ADGRL1: variants seen among roughly 807,000 people sequenced by gnomAD.
The protein encoded by ADGRL1 is CIRL-1.
Under a neutral mutation model 148.9 loss-of-function variants are expected in ADGRL1, and 31 were observed. The ratio of observed to expected loss-of-function variants is 0.21; its 90% CI spans 0.16 to 0.28. The LOEUF (loss-of-function observed/expected upper bound fraction) is 0.28. Ranked by LOEUF, ADGRL1 falls within the 10% of genes least tolerant of loss-of-function variation. The pLI is 1.00. For missense variants in ADGRL1, 1,521 were observed against 2,058.8 expected (o/e 0.74, Z 5.05); for synonymous variants, 937 against 900.3 (o/e 1.04, Z -0.73).
In ADGRL1 at chr19:14,160,699, G is replaced by A; in HGVS notation, c.1511-3C>T. 1.9e-6 allele frequency: 3 copies of A among 1,579,846 alleles called. No individual in the cohort carries two copies. The highest frequency in any genetic ancestry group is 2.2e-5 in the East Asian group (1 of 44,680). On this transcript the variant is annotated splice_polypyrimidine_tract_variant and splice_region_variant and intron_variant, in intron 6 of 22. Transcript: ENST00000361434. This position sits in a 1 kb window ranked among gnomAD's most constrained non-coding sequence, Gnocchi z 5.9. ...TAGACACTGGAAGGAGGCAATTCCT[G>A]CAGGGACAGACAGACAGGAACAGAC...
intron 3 of ADGRL1, 66 bp from the exon 4 acceptor site, chr19:14,170,857 T>C (rs1218245622): frequency 2.6e-6 from 2 of 775,884 alleles, no homozygotes; most frequent in Non-Finnish European, 4.5e-6. Context: ...TGGGGGTGCA[T>C]GCTCCAGGGT....
chr19:14,184,340 G>C (rs1971426254), intron 1 of ADGRL1, among the ~76,000 whole-genome samples: 1 of 152,040 alleles, frequency 6.6e-6, no homozygotes, highest in Non-Finnish European at 1.5e-5. Flanking sequence ...CAGGGGAGAT[G>C]GGGGAGGGGT....
chr19:14,174,816 G>A (rs1480719792), intron 3 of ADGRL1, among the ~76,000 whole-genome samples: 3 of 148,712 alleles, frequency 2.0e-5, no homozygotes, highest in Admixed American at 6.7e-5. Flanking sequence ...GATTACAGGC[G>A]TGAAACACTG....
chr19:14,154,393 G>C (rs922639323), intron 18 of ADGRL1, among the ~76,000 whole-genome samples: 1 of 152,184 alleles, frequency 6.6e-6, no homozygotes, highest in African/African-American at 2.4e-5. Context: ...CGTCTCCCCA[G>C]CTTCAGTCCT....
Position 14,161,211 on chromosome 19 carries a change from C to A in ADGRL1, c.1510+101G>T. Reference sequence around the variant, plus strand: ...GGGGATGACCCCTGCCCTCAGAAAACCTCTGCTCCGCAGTAGAGACCCCCA... The same window carrying A: ...GGGGATGACCCCTGCCCTCAGAAAAACTCTGCTCCGCAGTAGAGACCCCCA... On this transcript the variant is annotated intron_variant, in intron 6 of 22. Coordinates refer to ENST00000361434, the MANE Select transcript of ADGRL1 (RefSeq NM_014921.5). This position sits in a 1 kb window ranked among gnomAD's most constrained non-coding sequence, Gnocchi z 4.4. The A allele has an allele frequency of 8.3e-7, 1 of 1,204,348 alleles. No homozygotes were observed. The highest frequency in any genetic ancestry group is 1.6e-5 in the African/African-American group (1 of 63,778). The allele number at this position is 1,204,348 out of a possible 1,614,324, so 74.6% of individuals were successfully genotyped here. A position where few individuals can be genotyped will look rare whatever the true frequency, so the allele number is the denominator to read the frequency against.
chr19:14,159,825 T>A lies in ADGRL1; in HGVS notation c.1801-52A>T. 6.8e-7 allele frequency: 1 copy of A among 1,468,422 alleles called. No individual in the cohort carries two copies. Among genetic ancestry groups the A allele is most frequent in the Non-Finnish European group, 9.5e-7 (1 of 1,047,692 alleles). The allele number at this position is 1,468,422 out of a possible 1,614,324, so 91.0% of individuals were successfully genotyped here. A position where few individuals can be genotyped will look rare whatever the true frequency, so the allele number is the denominator to read the frequency against. On this transcript the variant is annotated intron_variant, in intron 8 of 22. Coordinates refer to ENST00000361434, the MANE Select transcript of ADGRL1 (RefSeq NM_014921.5). This position sits in a 1 kb window ranked among gnomAD's most constrained non-coding sequence, Gnocchi z 6.0. ...GCCAGGCCTCTGGGTGCCGGTTCCC[T>A]CACCCTAATACTGTCACATCTGGAT...
intron 2 of ADGRL1, among the ~76,000 whole-genome samples, chr19:14,180,581 A>G (rs1351468045): frequency 6.7e-6 from 1 of 150,296 alleles, no homozygotes; most frequent in Admixed American, 6.6e-5. Context: ...ACAGGGTCTC[A>G]CCCTGTCACC....
chr19:14,161,890 G>C lies in ADGRL1; in HGVS notation c.1196-264C>G, dbSNP rs912067011. ...ATAAGGTCTGAGAGAACGGTCAGGG[G>C]AGAGGCAGGGACAGAGGTGTCTGGG... On this transcript the variant is annotated intron_variant, in intron 5 of 22. Coordinates refer to ENST00000361434, the MANE Select transcript of ADGRL1 (RefSeq NM_014921.5). This position sits in a 1 kb window ranked among gnomAD's most constrained non-coding sequence, Gnocchi z 4.4. Among the ~76,000 whole-genome samples the C allele has an allele frequency of 6.6e-6, 1 of 152,194 alleles. No homozygotes were observed. Among genetic ancestry groups the C allele is most frequent in the African/African-American group, 2.4e-5 (1 of 41,436 alleles).
intron 1 of ADGRL1, among the ~76,000 whole-genome samples, chr19:14,189,781 T>C (rs555117604): frequency 6.6e-6 from 1 of 152,354 alleles, no homozygotes; most frequent in Admixed American, 6.5e-5. Flanking sequence ...GGTTACATGA[T>C]ATTTTGATAT....
At position 14,152,895 on chromosome 19, in the gene ADGRL1, G is replaced by A; in HGVS notation, c.3312C>T (p.Ser1104=). Residue 1104 remains serine, a synonymous_variant, in exon 19 of 23, where the codon AGC becomes AGT. Transcript: ENST00000361434. This position sits in a 1 kb window ranked among gnomAD's most constrained non-coding sequence, Gnocchi z 6.1. ...AGCAGTAGGAGTGACGCAGGCACTT[G>A]CTGTACTCCTTGTGCACCTGGGAGG... is the stretch of plus-strand genomic sequence containing the variant. ...ALQKKVHKEY[S]KCLRHSYCCI... 4.3e-6 allele frequency: 7 copies of A among 1,614,066 alleles called. No homozygotes were observed. The highest frequency in any genetic ancestry group is 5.9e-6 in the Non-Finnish European group (7 of 1,180,000).
chr19:14,187,174 T>C (rs1045957020), intron 1 of ADGRL1, among the ~76,000 whole-genome samples: 7 of 151,956 alleles, frequency 4.6e-5, no homozygotes, highest in African/African-American at 1.7e-4. Flanking sequence ...CCATCTCTAC[T>C]AAAAATACCA....
chr19:14,188,572 C>T (rs1227195872), intron 1 of ADGRL1, among the ~76,000 whole-genome samples: 1 of 152,182 alleles, frequency 6.6e-6, no homozygotes, highest in South Asian at 2.1e-4. Context: ...GGAGCTGAAA[C>T]CCTTGACTCC....
rs561939805 is a variant in ADGRL1 at position 14,164,200 on chromosome 19, C to A, written c.395-794G>T. Among the ~76,000 whole-genome samples the A allele has an allele frequency of 3.9e-5, 6 of 152,008 alleles. No homozygotes were observed. In the East Asian group the frequency reaches 1.2e-3, roughly 29 times the overall value. On this transcript the variant is annotated intron_variant, in intron 4 of 22. Coordinates refer to ENST00000361434, the MANE Select transcript of ADGRL1 (RefSeq NM_014921.5). ...AAAGAGTCTGGCCCCTCCTGGAGGG[C>A]GCCCAGCCCTGCCCCCAGCCGGCAG... is the stretch of plus-strand genomic sequence containing the variant.
chr19:14,152,249 G>A lies in ADGRL1; in HGVS notation c.3649+60C>T, dbSNP rs974335077. The A allele has an allele frequency of 1.2e-6, 2 of 1,613,264 alleles. No individual in the cohort carries two copies. Among genetic ancestry groups the A allele is most frequent in the Non-Finnish European group, 1.7e-6 (2 of 1,179,438 alleles). On this transcript the variant is annotated intron_variant, in intron 21 of 22. Coordinates refer to ENST00000361434, the MANE Select transcript of ADGRL1 (RefSeq NM_014921.5). This position sits in a 1 kb window ranked among gnomAD's most constrained non-coding sequence, Gnocchi z 6.1. The stretch of plus-strand genomic sequence containing the variant: ...TGGGGCACAGAACATCCCATGCAGA[G>A]GTCCCTTGGGACACAAACCCTCCAT...
At chr19:14,179,783 C>T (rs941760762) in intron 2 of ADGRL1, among the ~76,000 whole-genome samples, 3 of 151,974 alleles carry the variant, frequency 2.0e-5, no homozygotes, top group South Asian at 2.1e-4. Context: ...TGGTGGCAGG[C>T]ACCTGTAATC....
Position 14,150,062 on chromosome 19 carries a change from A to C in ADGRL1, c.*811T>G, listed in dbSNP as rs1054206507. On this transcript the variant is annotated 3_prime_UTR_variant, in exon 23 of 23. Transcript: ENST00000361434. Reference sequence around the variant, plus strand: ...AGCCCAGGACCCACTCCCCAGGGAGATCCAGACCCAAAATCTGCTCCCCAG... The same window carrying C: ...AGCCCAGGACCCACTCCCCAGGGAGCTCCAGACCCAAAATCTGCTCCCCAG... 6.6e-6 allele frequency: 1 copy of C among 151,714 alleles called. No homozygotes were observed. Among genetic ancestry groups the C allele is most frequent in the African/African-American group, 2.4e-5 (1 of 41,124 alleles). The allele number at this position is 151,714 out of a possible 1,614,324, so 9.4% of individuals were successfully genotyped here.
At position 14,150,115 on chromosome 19, in the gene ADGRL1, GCCCAAATA is replaced by G; in HGVS notation, c.*750_*757del. The G allele has an allele frequency of 6.6e-6, 1 of 152,420 alleles. No individual in the cohort carries two copies. The highest frequency in any genetic ancestry group is 1.5e-5 in the Non-Finnish European group (1 of 67,994). 9.4% of individuals were successfully genotyped at this position (152,420 alleles called of 1,614,324 possible). A position where few individuals can be genotyped will look rare whatever the true frequency, so the allele number is the denominator to read the frequency against. On this transcript the variant is annotated 3_prime_UTR_variant, in exon 23 of 23. Transcript: ENST00000361434. ...AGCCGAGCCCACAGGACTGGGAACT[GCCCAAATA>G]TGGCCACCCCTGTGGGCTGGGGGCC...
intron 1 of ADGRL1, among the ~76,000 whole-genome samples, chr19:14,186,394 G>A (rs987905839): frequency 8.5e-5 from 13 of 152,250 alleles, no homozygotes; most frequent in East Asian, 3.9e-4. Context: ...GGCCTGGCAC[G>A]TGGCAATGAA....
chr19:14,205,807 T>G (rs1271404495), intron 1 of ADGRL1, among the ~76,000 whole-genome samples, 178 bp downstream of exon 1: 1 of 150,378 alleles, frequency 6.6e-6, no homozygotes, highest in African/African-American at 2.5e-5. Flanking sequence ...AGGTGCGGGC[T>G]GCCCCCGACG....
Sources: gnomAD v4.1 joint callset for allele counts (sites outside exome capture counted in the v4.1 genomes callset) on GRCh38, gnomAD v4.1.1 for gene constraint, Gnocchi (gnomAD v3.1) non-coding constraint, MANE v1.5 for transcripts, NCBI Gene and HGNC (gene_info 2026-07-23, HGNC 2026-07-21) for gene names.